The following FAM184A variants were observed in gnomAD, a reference collection of about 807,000 sequenced individuals.
FAM184A encodes the protein family with sequence similarity 184 member A, also known as protein FAM184A.
In FAM184A, 99 loss-of-function variants were observed where a neutral mutation model predicts 143.8. That is an observed-to-expected ratio of 0.69 (90% CI 0.58 to 0.81). FAM184A has a LOEUF of 0.81. FAM184A is among the 40% of genes least tolerant of loss of function. FAM184A has a pLI of 0.00. For missense variants in FAM184A, 1,217 were observed against 1,310.5 expected (o/e 0.93, Z 1.10); for synonymous variants, 427 against 446.4 (o/e 0.96, Z 0.55).
intron 1 of FAM184A, among the ~76,000 whole-genome samples, chr6:119,144,120 G>A (rs1772337501): frequency 1.3e-5 from 2 of 151,088 alleles, no homozygotes; most frequent in African/African-American, 4.9e-5. Context: ...GAGGTCAGAA[G>A]ATCGAGACCA....
chr6:119,035,586 C>T (rs1786078819), intron 1 of FAM184A, among the ~76,000 whole-genome samples: 1 of 152,098 alleles, frequency 6.6e-6, no homozygotes, highest in Non-Finnish European at 1.5e-5. Flanking sequence ...CTCCCTGATC[C>T]GGGAGAGAAT....
At chr6:119,079,928 G>A (rs1237484212), upstream of FAM184A, among the ~76,000 whole-genome samples, 2 of 152,170 alleles carry the variant, frequency 1.3e-5, no homozygotes, top group East Asian at 1.9e-4. Context: ...GAAAAATGTT[G>A]TCTAGTTCCG....
At chr6:119,026,250 TTC>T (rs987436477) in intron 1 of FAM184A, among the ~76,000 whole-genome samples, 11 of 152,186 alleles carry the variant, frequency 7.2e-5, no homozygotes, top group African/African-American at 2.7e-4. Flanking sequence ...CTTATTCACA[TTC>T]TGTTTTTAAA....
chr6:119,115,986 CACACACACACACACACACACAT>C (rs1174543280), intron 1 of FAM184A, among the ~76,000 whole-genome samples: 3 of 151,164 alleles, frequency 2.0e-5, no homozygotes, highest in Non-Finnish European at 4.4e-5. Context: ...CACACACACA[CACACACACACACACACACACAT>C]ACACACACAC....
At chr6:119,138,322 G>A (rs768855846) in intron 1 of FAM184A, among the ~76,000 whole-genome samples, 4 of 152,066 alleles carry the variant, frequency 2.6e-5, no homozygotes, top group Non-Finnish European at 5.9e-5. Context: ...ACAAATTACC[G>A]CAAACTTGGA....
chr6:119,132,114 C>G (rs990470254), intron 1 of FAM184A, among the ~76,000 whole-genome samples: 2 of 152,136 alleles, frequency 1.3e-5, no homozygotes, highest in East Asian at 3.8e-4. Context: ...ACTTTGCTCC[C>G]CCATAAAACA....
intron 1 of FAM184A, among the ~76,000 whole-genome samples, chr6:119,046,145 CAAAGA>C (rs747501892): frequency 4.6e-5 from 7 of 150,742 alleles, no homozygotes; most frequent in Non-Finnish European, 8.9e-5. Flanking sequence ...GAATGAAATA[CAAAGA>C]AAAATTTAAA....
chr6:118,999,945 T>C (rs1324626504), intron 9 of FAM184A, among the ~76,000 whole-genome samples: 2 of 152,194 alleles, frequency 1.3e-5, no homozygotes, highest in African/African-American at 2.4e-5. Flanking sequence ...AGTACCTATA[T>C]ATAAATCTTC....
At position 118,984,193 on chromosome 6, in the gene FAM184A, ATATT is replaced by A. The variant is rs1174738730; in HGVS notation, c.2089-3847_2089-3844del. Among the ~76,000 whole-genome samples, 392 of 138,462 alleles carry A rather than the reference ATATT, an allele frequency of 2.8e-3. 1 individual carries two copies. Among genetic ancestry groups the A allele is most frequent in the African/African-American group, 4.6e-3 (158 of 34,262 alleles). The allele number at this position is 138,462 out of a possible 152,430, so 90.8% of individuals were successfully genotyped here. On this transcript the variant is annotated intron_variant, in intron 9 of 17. Transcript: ENST00000338891. Reference sequence around the variant, plus strand: ...TATATATATATTTATATATATATTTATATTTATATATATTTATATTTATATATAT... The same window carrying A: ...TATATATATATTTATATATATATTTATATATATATTTATATTTATATATAT...
chr6:119,122,021 G>A (rs981202239), intron 1 of FAM184A, among the ~76,000 whole-genome samples: 1 of 152,150 alleles, frequency 6.6e-6, no homozygotes, highest in African/African-American at 2.4e-5. Flanking sequence ...CTCCCACCTC[G>A]GCCTCCCAAA....
intron 1 of FAM184A, among the ~76,000 whole-genome samples, chr6:119,108,256 G>A (rs1388282508): frequency 6.6e-6 from 1 of 151,896 alleles, no homozygotes; most frequent in Non-Finnish European, 1.5e-5. Context: ...TATATGATGG[G>A]CAAATTCCCC....
chr6:119,040,178 T>C (rs867097485), intron 1 of FAM184A, among the ~76,000 whole-genome samples: 65 of 152,342 alleles, frequency 4.3e-4, no homozygotes, highest in African/African-American at 1.5e-3. Context: ...TCTGTTTTTC[T>C]GCTTTATGCC....
Position 119,011,443 on chromosome 6 carries a change from A to G in FAM184A, c.1531-12T>C. On this transcript the variant is annotated splice_polypyrimidine_tract_variant and intron_variant, in intron 5 of 17. Coordinates refer to ENST00000338891, the MANE Select transcript of FAM184A (RefSeq NM_024581.6). The stretch of plus-strand genomic sequence containing the variant: ...TGTTCTTCCAAATCCTTAGAAAAAG[A>G]AATTTTTTAAAAATTAACAAAATTG... The G allele has an allele frequency of 6.9e-7, 1 of 1,452,026 alleles. No homozygotes were observed. Among genetic ancestry groups the G allele is most frequent in the East Asian group, 2.4e-5 (1 of 42,182 alleles). 89.9% of individuals were successfully genotyped at this position (1,452,026 alleles called of 1,614,324 possible). A position where few individuals can be genotyped will look rare whatever the true frequency, so the allele number is the denominator to read the frequency against.
At chr6:118,979,548 C>T (rs747755579) in intron 10 of FAM184A, 30 bp from the exon 11 acceptor site, 59 of 1,540,704 alleles carry the variant, frequency 3.8e-5, no homozygotes, top group Non-Finnish European at 4.5e-5. Flanking sequence ...AATTATTATG[C>T]TAGAATATAG....
At chr6:119,054,488 A>C (rs1037985135) in intron 1 of FAM184A, among the ~76,000 whole-genome samples, 4 of 152,152 alleles carry the variant, frequency 2.6e-5, no homozygotes, top group Admixed American at 1.3e-4. Context: ...CTCTTTTATA[A>C]GGGAAGTAAT....
intron 1 of FAM184A, among the ~76,000 whole-genome samples, chr6:119,067,249 C>T (rs1367055549): frequency 1.3e-5 from 2 of 152,154 alleles, no homozygotes; most frequent in African/African-American, 4.8e-5. Context: ...TTATCCTTTC[C>T]ACCCCTTTCA....
At chr6:119,035,832 A>G (rs558209361) in intron 1 of FAM184A, among the ~76,000 whole-genome samples, 2 of 152,204 alleles carry the variant, frequency 1.3e-5, no homozygotes, top group African/African-American at 4.8e-5. Context: ...ACCTTTCCCA[A>G]TGGAACAAAC....
intron 1 of FAM184A, among the ~76,000 whole-genome samples, chr6:119,057,614 C>T (rs1322335184): frequency 6.6e-6 from 1 of 152,096 alleles, no homozygotes; most frequent in Non-Finnish European, 1.5e-5. Context: ...TGGTGGTGCA[C>T]ACCTGTAGTT....
At chr6:119,148,346 C>T (rs1439508883) in intron 1 of FAM184A, among the ~76,000 whole-genome samples, 1 of 152,178 alleles carries the variant, frequency 6.6e-6, no homozygotes. Context: ...TATTTTATTT[C>T]CCAGTCCCAC....
Sources: gnomAD v4.1 joint callset for allele counts (sites outside exome capture counted in the v4.1 genomes callset) on GRCh38, gnomAD v4.1.1 for gene constraint, MANE v1.5 for transcripts, NCBI Gene and HGNC (gene_info 2026-07-23, HGNC 2026-07-21) for gene names.